Variants in TGM3 observed in about 807,000 individuals in gnomAD.
TGM3 encodes transglutaminase 3, also known as protein-glutamine gamma-glutamyltransferase E.
Under a neutral mutation model 73.8 loss-of-function variants are expected in TGM3, and 52 were observed. The observed-to-expected ratio is 0.70, with a 90% CI of 0.56 to 0.89. The LOEUF is 0.89. Among genes scored for constraint, TGM3 ranks in the 40% least tolerant of loss-of-function variants. The pLI is 0.00. For missense variants in TGM3, 928 were observed against 909.9 expected, an observed-to-expected ratio of 1.02 and a Z score of -0.26; for synonymous variants, 372 against 354.9, an observed-to-expected ratio of 1.05 and a Z score of -0.54.
intron 8 of TGM3, among the ~76,000 whole-genome samples, chr20:2,327,676 A>G (rs187599216): frequency 6.6e-5 from 10 of 152,296 alleles, no homozygotes; most frequent in African/African-American, 1.7e-4. Context: ...AGAAGAGGGA[A>G]GAAATGGTCA....
chr20:2,300,224 GAAAGAAAGAAAA>G (rs1215588647), intron 1 of TGM3, among the ~76,000 whole-genome samples: 1 of 98,952 alleles, frequency 1.0e-5, no homozygotes, highest in African/African-American at 2.9e-5. Flanking sequence ...AGAGAAGAAA[GAAAGAAAGAAAA>G]AAAGAAAGAA....
At position 2,340,638 on chromosome 20, in the gene TGM3, C is replaced by T; in HGVS notation, c.*57C>T. On this transcript the variant is annotated 3_prime_UTR_variant, in exon 13 of 13. Transcript: ENST00000381458. ...ACAACACGGAGCAGGGAGAGCTCACCATGGAATGAACCCCCCGCCCATGCT... is the reference window on the plus strand; with the variant it reads ...ACAACACGGAGCAGGGAGAGCTCACTATGGAATGAACCCCCCGCCCATGCT... 6.2e-7 allele frequency: 1 copy of T among 1,609,138 alleles called. No individual in the cohort carries two copies. Among genetic ancestry groups the T allele is most frequent in the Non-Finnish European group, 8.5e-7 (1 of 1,176,506 alleles).
rs369738624 is a variant in TGM3, at chr20:2,332,255, G to A, written c.1587G>A (p.Thr529=). The change falls in exon 10 of 13, where the codon ACG becomes ACA. Residue 529 remains threonine (T), a synonymous_variant. Coordinates refer to ENST00000381458, the MANE Select transcript of TGM3 (RefSeq NM_003245.4). The surrounding 1 kb of genome is among the most constrained non-coding windows in gnomAD (Gnocchi z 4.4). The stretch of plus-strand genomic sequence containing the variant: ...CCTGGACCATCATCTACAACGGCAC[G>A]CTTGTACATGAAGTGTGGAAGGACT... ...MTAWTIIYNG[T]LVHEVWKDSA... is the part of the protein sequence containing the mutation. The A allele has an allele frequency of 2.0e-5, 32 of 1,613,500 alleles. No individual in the cohort carries two copies. The African/African-American group carries it at 2.0e-4, about 10-fold the overall frequency.
rs780832990 is a variant in TGM3, at chr20:2,339,938, G to A, written c.1885G>A (p.Val629Met). 37 of 1,612,204 alleles carry A rather than the reference G, an allele frequency of 2.3e-5. No homozygotes were observed. Among genetic ancestry groups the A allele is most frequent in the South Asian group, 7.7e-5 (7 of 90,970 alleles). Residue 629 changes from valine to methionine, a missense_variant, in exon 12 of 13, where the codon GTG (valine) becomes ATG (methionine). Coordinates refer to ENST00000381458, the MANE Select transcript of TGM3 (RefSeq NM_003245.4). ...NPLDEPVRDC[V>M]LMVEGSGLLL... ...ACTGGATGAGCCGGTGAGGGACTGC[G>A]TGCTGATGGTGGAGGGAAGCGGCCT...
chr20:2,301,074 A>G (rs2084144426), intron 1 of TGM3, among the ~76,000 whole-genome samples: 1 of 152,078 alleles, frequency 6.6e-6, no homozygotes, highest in Admixed American at 6.6e-5. Context: ...CATCCTCACC[A>G]GCCCCTTACT....
At chr20:2,307,964 G>A (rs2084184017) in intron 1 of TGM3, among the ~76,000 whole-genome samples, 1 of 152,138 alleles carries the variant, frequency 6.6e-6, no homozygotes, top group Non-Finnish European at 1.5e-5. Flanking sequence ...GCTCATGCCT[G>A]TAATCCCAGC....
At chr20:2,297,974 A>G (rs1282999974) in intron 1 of TGM3, among the ~76,000 whole-genome samples, 2 of 152,156 alleles carry the variant, frequency 1.3e-5, no homozygotes, top group African/African-American at 4.8e-5. Context: ...ACGGGGACCA[A>G]CAAGAGAAGG....
intron 8 of TGM3, among the ~76,000 whole-genome samples, chr20:2,326,670 G>A (rs558718472): frequency 6.6e-6 from 1 of 152,244 alleles, no homozygotes; most frequent in Admixed American, 6.5e-5. Flanking sequence ...CCAACATGGT[G>A]AAACCCCGTC....
intron 11 of TGM3, among the ~76,000 whole-genome samples, chr20:2,336,424 T>A (rs1235842856): frequency 6.6e-6 from 1 of 151,990 alleles, no homozygotes. Context: ...GAAATTGCCT[T>A]TCCCTGTACA....
rs773435950 is a variant in TGM3, at chr20:2,328,416, G to A, written c.1333+51G>A. The A allele has an allele frequency of 6.2e-7, 1 of 1,605,222 alleles. No homozygotes were observed. Among genetic ancestry groups the A allele is most frequent in the East Asian group, 2.2e-5 (1 of 44,734 alleles). On this transcript the variant is annotated intron_variant, in intron 9 of 12. Coordinates refer to ENST00000381458, the MANE Select transcript of TGM3 (RefSeq NM_003245.4). This position sits in a 1 kb window ranked among gnomAD's most constrained non-coding sequence, Gnocchi z 5.2. ...GCCGCGAGAGGTTCTATTGTGGGAGGATGGCTCTGAGGCTGGAGAGGAGAA... is the reference window on the plus strand; with the variant it reads ...GCCGCGAGAGGTTCTATTGTGGGAGAATGGCTCTGAGGCTGGAGAGGAGAA...
intron 8 of TGM3, among the ~76,000 whole-genome samples, chr20:2,327,759 G>A (rs1279045741): frequency 2.0e-5 from 3 of 152,198 alleles, no homozygotes; most frequent in African/African-American, 2.4e-5. Context: ...GACTAGGAAG[G>A]TGATGAGCTT....
chr20:2,310,953 G>T (rs1045592187), intron 3 of TGM3, 58 bp from the exon 4 acceptor site: 3 of 1,488,954 alleles, frequency 2.0e-6, no homozygotes, highest in African/African-American at 1.4e-5. Flanking sequence ...GAGGAGGAAC[G>T]ATCCCTACAG....
At chr20:2,339,120 G>T (rs987760863) in intron 11 of TGM3, among the ~76,000 whole-genome samples, 5 of 152,266 alleles carry the variant, frequency 3.3e-5, no homozygotes, top group Admixed American at 6.5e-5. Context: ...GAAGGACATT[G>T]GTAGACTGGG....
chr20:2,315,163 C>T (rs755990489), intron 5 of TGM3, among the ~76,000 whole-genome samples: 62 of 152,274 alleles, frequency 4.1e-4, no homozygotes, highest in South Asian at 2.5e-3. Context: ...GTGAGGCCAG[C>T]GGCTCCTGCA....
intron 8 of TGM3, among the ~76,000 whole-genome samples, chr20:2,326,707 G>C (rs2084289886): frequency 6.6e-6 from 1 of 151,996 alleles, no homozygotes; most frequent in African/African-American, 2.4e-5. Context: ...AATTAGTCGG[G>C]CATGATAGTA....
chr20:2,336,734 A>T (rs2013952), intron 11 of TGM3, among the ~76,000 whole-genome samples: 1 of 151,362 alleles, frequency 6.6e-6, no homozygotes, highest in Non-Finnish European at 1.5e-5. Context: ...GGGGCTGAGA[A>T]GGGCAGTCGT....
At chr20:2,337,253 G>A (rs534683198) in intron 11 of TGM3, among the ~76,000 whole-genome samples, 55 of 152,234 alleles carry the variant, frequency 3.6e-4, no homozygotes, top group Non-Finnish European at 5.9e-4. Flanking sequence ...TGTGCCCTGC[G>A]TGTGACAGCC....
rs758238156 is a variant in TGM3 at position 2,317,199 on chromosome 20, A to C, written c.801A>C (p.Pro267=). 66 of 1,614,096 alleles carry C rather than the reference A, an allele frequency of 4.1e-5. No individual in the cohort carries two copies. In the Middle Eastern group the frequency reaches 6.6e-4, roughly 16 times the overall value. ...ATTGGAAAAAATCTGGCTTCAGCCC[A>C]GTCCGATATGGCCAGTGCTGGGTCT... is the stretch of plus-strand genomic sequence containing the variant. The part of the protein sequence containing the change: ...LKNWKKSGFS[P]VRYGQCWVFA... Residue 267 remains proline, a synonymous_variant, in exon 6 of 13, where the codon CCA becomes CCC. Transcript: ENST00000381458.
chr20:2,321,366 C>A (rs2084262075), intron 7 of TGM3, among the ~76,000 whole-genome samples: 1 of 152,196 alleles, frequency 6.6e-6, no homozygotes, highest in Non-Finnish European at 1.5e-5. Flanking sequence ...GAGTCAGAGA[C>A]AGCACAGAGG....
Sources: gnomAD v4.1 joint callset for allele counts (sites outside exome capture counted in the v4.1 genomes callset) on GRCh38, gnomAD v4.1.1 for gene constraint, Gnocchi (gnomAD v3.1) non-coding constraint, MANE v1.5 for transcripts, NCBI Gene and HGNC (gene_info 2026-07-23, HGNC 2026-07-21) for gene names.